XIST: variants seen among roughly 807,000 people sequenced by gnomAD.
XIST encodes the protein X inactive specific transcript.
At chrX:73,832,930 T>G (rs1436327058) in intron 3 of XIST, among the ~76,000 whole-genome samples, 2 of 111,666 alleles carry the variant, frequency 1.8e-5, no homozygotes, top group Non-Finnish European at 3.8e-5. Flanking sequence ...CCACCTAGGC[T>G]GGAGTGCAGT....
At chrX:73,833,825 A>C (rs1240541172) in intron 2 of XIST, 1 of 115,597 alleles carries the variant, frequency 8.7e-6, no homozygotes, top group Non-Finnish European at 1.8e-5. Flanking sequence ...TCTTGAAAGC[A>C]CTTTGCATGG....
In XIST at chrX:73,824,283, GATA is replaced by G; in HGVS notation, n.15615_15617del. The G allele has an allele frequency of 5.8e-6, 3 of 515,119 alleles. No individual in the cohort carries two copies. In the South Asian group the frequency reaches 7.4e-5, roughly 13 times the overall value. 42.5% of individuals were successfully genotyped at this position (515,119 alleles called of 1,213,427 possible). ...ATCCCTTGCGTATGCGTATTCAAAAGATAATCATTGTTATTCAAATTTTCCTAC... is the reference window on the plus strand; with the variant it reads ...ATCCCTTGCGTATGCGTATTCAAAAGATCATTGTTATTCAAATTTTCCTAC... On this transcript the variant is annotated non_coding_transcript_exon_variant, in exon 6 of 6. Coordinates refer to ENST00000429829, the Ensembl canonical transcript of XIST.
chrX:73,851,478 C>G (rs1022330329), exon 1 of XIST: 1 of 557,419 alleles, frequency 1.8e-6, no homozygotes, highest in African/African-American at 2.2e-5. Context: ...AACACTGCGA[C>G]AGAACTGGAT....
At chrX:73,848,079 C>T (rs1190006395) in exon 1 of XIST, 7 of 557,211 alleles carry the variant, frequency 1.3e-5, no homozygotes, top group Non-Finnish European at 1.9e-5. Flanking sequence ...ATGCAAGTAG[C>T]ACATTAACAG....
At chrX:73,842,779 C>T (rs1339899726) in exon 1 of XIST, 1 of 556,182 alleles carries the variant, frequency 1.8e-6, no homozygotes, top group Non-Finnish European at 3.2e-6. Flanking sequence ...GTCTGGTCAA[C>T]ATTACCCAGC....
intron 4 of XIST, chrX:73,830,994 A>C (rs896650916): frequency 2.0e-6 from 1 of 503,165 alleles, no homozygotes; most frequent in Non-Finnish European, 3.6e-6. Flanking sequence ...TGAAACACTA[A>C]GTGCAATGTA....
chrX:73,839,983 TTC>T (rs1177486858), intron 1 of XIST, among the ~76,000 whole-genome samples: 2 of 111,305 alleles, frequency 1.8e-5, no homozygotes, highest in African/African-American at 6.5e-5. Flanking sequence ...AGACCAGGGT[TTC>T]TCAAATTGGG....
At chrX:73,848,959 T>A (rs1174805776) in exon 1 of XIST, 1 of 557,687 alleles carries the variant, frequency 1.8e-6, no homozygotes, top group East Asian at 3.2e-5. Context: ...TACTATTGTA[T>A]CCATTAATAT....
rs763907485 is a variant in XIST, at chrX:73,826,523, A to G, written n.13378T>C. ...GCCCAGGCATAATACTGTCAATCTA[A>G]AGGTAACCGGCAACATCAAAAAGTA... is the stretch of plus-strand genomic sequence containing the variant. On this transcript the variant is annotated non_coding_transcript_exon_variant, in exon 6 of 6. Coordinates refer to ENST00000429829, the Ensembl canonical transcript of XIST. 5.4e-6 allele frequency: 3 copies of G among 559,262 alleles called. No homozygotes were observed. The African/African-American group carries it at 6.6e-5, about 12-fold the overall frequency. The allele number at this position is 559,262 out of a possible 1,213,427, so 46.1% of individuals were successfully genotyped here.
chrX:73,845,816 TG>T, exon 1 of XIST: 1 of 122,077 alleles, frequency 8.2e-6, no homozygotes, highest in South Asian at 5.7e-5. Context: ...AGACTGGGAG[TG>T]GGGGTGGGGG....
exon 1 of XIST, chrX:73,843,343 T>C (rs1038995162): frequency 3.6e-6 from 2 of 558,990 alleles, no homozygotes; most frequent in Admixed American, 2.2e-5. Flanking sequence ...TCTTATCTAA[T>C]GATCAGTGCC....
At chrX:73,821,563 A>G (rs141091351) in exon 6 of XIST, 114 of 556,803 alleles carry the variant, frequency 2.0e-4, no homozygotes, top group Non-Finnish European at 3.2e-4. Context: ...ATGATCAGCT[A>G]TTGGAACTGC....
chrX:73,844,514 G>A (rs1349987029), exon 1 of XIST: 3 of 557,551 alleles, frequency 5.4e-6, no homozygotes, highest in African/African-American at 4.5e-5. Flanking sequence ...TAAGCCATGT[G>A]CAGTTATGCA....
At chrX:73,823,609 T>C (rs1161382377) in exon 6 of XIST, 3 of 558,641 alleles carry the variant, frequency 5.4e-6, no homozygotes, top group Non-Finnish European at 6.5e-6. Context: ...TCAAGGTGGG[T>C]CTAATTCACT....
At chrX:73,839,556 C>T (rs1366080515) in intron 1 of XIST, among the ~76,000 whole-genome samples, 1 of 111,194 alleles carries the variant, frequency 9.0e-6, no homozygotes, top group African/African-American at 3.3e-5. Flanking sequence ...CTGCCCAAAA[C>T]CATAATGATT....
At chrX:73,852,175 C>T (rs1211670572) in exon 1 of XIST, 4 of 536,001 alleles carry the variant, frequency 7.5e-6, no homozygotes, top group Non-Finnish European at 1.3e-5. Flanking sequence ...AAGCAGATAT[C>T]CGTCACCCCG....
intron 1 of XIST, chrX:73,841,168 A>G: frequency 3.2e-6 from 1 of 314,503 alleles, no homozygotes; most frequent in Non-Finnish European, 5.5e-6. Flanking sequence ...CTGGGTCCAC[A>G]ATATTAATTC....
At chrX:73,842,911 A>C (rs932691113) in exon 1 of XIST, 4 of 558,967 alleles carry the variant, frequency 7.2e-6, no homozygotes, top group Non-Finnish European at 1.3e-5. Flanking sequence ...GGCCAAGGGC[A>C]CACAAGGGGC....
At chrX:73,826,474 T>C (rs1382607188) in exon 6 of XIST, 1 of 557,409 alleles carries the variant, frequency 1.8e-6, no homozygotes, top group African/African-American at 2.2e-5. Flanking sequence ...GTAAAAGCTG[T>C]GATTTAAAGC....
Sources: allele counts gnomAD v4.1 joint callset (sites outside exome capture counted in the v4.1 genomes callset), GRCh38; gene constraint gnomAD v4.1.1; transcripts MANE v1.5; gene names NCBI Gene and HGNC (gene_info 2026-07-23, HGNC 2026-07-21).